The following SETD7 variants were observed in gnomAD, a reference collection of about 807,000 sequenced individuals.
The protein encoded by SETD7 is SET domain containing 7, histone lysine methyltransferase.
SETD7 carries 16 observed loss-of-function variants against 41.8 expected under a neutral mutation model. That is an observed-to-expected ratio of 0.38 (90% confidence interval 0.26 to 0.58). The LOEUF (loss-of-function observed/expected upper bound fraction) is 0.58, where lower values mean the gene tolerates loss of function less well. Among genes scored for constraint, SETD7 ranks in the 20% least tolerant of loss-of-function variants. The pLI is 0.64. For synonymous variants in SETD7, 163 were observed against 169.7 expected, an observed-to-expected ratio of 0.96 and a Z score of 0.31; for missense variants, 346 against 459.7, an observed-to-expected ratio of 0.75 and a Z score of 2.26.
chr4:139,493,317 G>A (rs1362320123), downstream of SETD7, among the ~76,000 whole-genome samples: 1 of 152,132 alleles, frequency 6.6e-6, no homozygotes, highest in African/African-American at 2.4e-5. Context: ...GAGGCAAACA[G>A]GCAGAGTAAT....
intron 1 of SETD7, among the ~76,000 whole-genome samples, chr4:139,548,917 T>C (rs560620488): frequency 6.6e-6 from 1 of 152,312 alleles, no homozygotes; most frequent in African/African-American, 2.4e-5. Flanking sequence ...GTACATGACA[T>C]AAATTCAATG....
chr4:139,555,409 G>C lies in SETD7; in HGVS notation c.40+689C>G, dbSNP rs562983367. On this transcript the variant is annotated intron_variant, in intron 1 of 7. Coordinates refer to ENST00000274031, the MANE Select transcript of SETD7 (RefSeq NM_030648.4). This position sits in a 1 kb window ranked among gnomAD's most constrained non-coding sequence, Gnocchi z 4.0. ...GGCTGCATCCCAGCCAAGCAGGAAG[G>C]GGGAGGGGGAGGCCTGACTGAGTTC... is the stretch of plus-strand genomic sequence containing the variant. 7.9e-5 allele frequency among the ~76,000 whole-genome samples: 12 copies of C among 152,036 alleles called. No homozygotes were observed. Among genetic ancestry groups the C allele is most frequent in the South Asian group, 4.1e-4 (2 of 4,826 alleles).
At chr4:139,493,871 T>G (rs1278938778), downstream of SETD7, among the ~76,000 whole-genome samples, 1 of 152,194 alleles carries the variant, frequency 6.6e-6, no homozygotes, top group Non-Finnish European at 1.5e-5. Context: ...CTGATTACTT[T>G]GTGAAAAGTG....
intron 6 of SETD7, 69 bp from the exon 7 acceptor site, chr4:139,518,111 A>G: frequency 1.4e-6 from 2 of 1,457,224 alleles, no homozygotes; most frequent in Non-Finnish European, 1.8e-6. Context: ...CATCAGAGAT[A>G]TTAACTCATT....
At chr4:139,553,751 T>C (rs1308668021) in intron 1 of SETD7, among the ~76,000 whole-genome samples, 1 of 152,216 alleles carries the variant, frequency 6.6e-6, no homozygotes, top group Non-Finnish European at 1.5e-5. Context: ...TAATAATAGC[T>C]ATGACAATGA....
intron 3 of SETD7, among the ~76,000 whole-genome samples, chr4:139,531,815 G>T (rs1203761700): frequency 1.3e-5 from 2 of 152,170 alleles, no homozygotes; most frequent in Non-Finnish European, 2.9e-5. Context: ...TTTCAGCTTG[G>T]TGTGGTGGCT....
chr4:139,533,193 C>T lies in SETD7; in HGVS notation c.344G>A (p.Arg115His), dbSNP rs750730311. Reference protein sequence around the residue: ...IFKGQYKDNIRHGVCWIYYPD... With the variant: ...IFKGQYKDNIHHGVCWIYYPD... ...GTAATATATCCAGCACACTCCATGA[C>T]GAATGTTATCTTTATACTGCCCCTT... Residue 115 changes from arginine to histidine, a missense_variant, in exon 3 of 8, where the codon CGT becomes CAT. Physicochemically the swap from Arg to His is conservative, Grantham distance 29 (BLOSUM62 0). This residue lies in a region of SETD7 where 266 missense variants were observed against 377.0 expected (regional missense o/e 0.71). Transcript: ENST00000274031. The T allele has an allele frequency of 2.1e-5, 34 of 1,614,012 alleles. No homozygotes were observed. Among genetic ancestry groups the T allele is most frequent in the African/African-American group, 8.0e-5 (6 of 74,906 alleles).
At chr4:139,536,946 C>A (rs758104748) in intron 2 of SETD7, among the ~76,000 whole-genome samples, 2 of 152,090 alleles carry the variant, frequency 1.3e-5, no homozygotes, top group Non-Finnish European at 2.9e-5. Context: ...GAGGTTGCAG[C>A]GAGCCGAGAT....
intron 4 of SETD7, among the ~76,000 whole-genome samples, chr4:139,524,843 G>C (rs993875513): frequency 2.0e-5 from 3 of 152,084 alleles, no homozygotes; most frequent in African/African-American, 7.2e-5. Flanking sequence ...TTTTGAGACA[G>C]TCTTGCTCTG....
intron 4 of SETD7, among the ~76,000 whole-genome samples, chr4:139,528,670 T>C (rs4863658): frequency 0.32 from 48,167 of 152,064 alleles, 8,091 homozygotes; most frequent in African/African-American, 0.42. Context: ...GGTATCTGCT[T>C]ATGCTCTGAC....
At position 139,555,737 on chromosome 4, in the gene SETD7, G is replaced by T. The variant is rs908070986; in HGVS notation, c.40+361C>A. Among the ~76,000 whole-genome samples, 4 of 152,236 alleles carry T rather than the reference G, an allele frequency of 2.6e-5. No individual in the cohort carries two copies. Among genetic ancestry groups the T allele is most frequent in the Admixed American group, 6.5e-5 (1 of 15,294 alleles). ...TCCGCGGAGTCCGCCGGCCTCAAGGGGCTGCCCTGCGGAGTGCACCCACCC... is the reference window on the plus strand; with the variant it reads ...TCCGCGGAGTCCGCCGGCCTCAAGGTGCTGCCCTGCGGAGTGCACCCACCC... On this transcript the variant is annotated intron_variant, in intron 1 of 7. Transcript: ENST00000274031. The surrounding 1 kb of genome is among the most constrained non-coding windows in gnomAD (Gnocchi z 4.0).
rs1023481006 is a variant in SETD7 at position 139,509,709 on chromosome 4, T to A, written c.*1954A>T. The A allele has an allele frequency of 1.0e-6, 1 of 985,404 alleles. No individual in the cohort carries two copies. Among genetic ancestry groups the A allele is most frequent in the Non-Finnish European group, 1.2e-6 (1 of 830,020 alleles). 61.0% of individuals were successfully genotyped at this position (985,404 alleles called of 1,614,324 possible). A position where few individuals can be genotyped will look rare whatever the true frequency, so the allele number is the denominator to read the frequency against. ...ATTAAAGCACCTATCAGAATGCAAGTCCAGAGGCCCTGGCCCATCCGTCAC... is the reference window on the plus strand; with the variant it reads ...ATTAAAGCACCTATCAGAATGCAAGACCAGAGGCCCTGGCCCATCCGTCAC... On this transcript the variant is annotated 3_prime_UTR_variant, in exon 8 of 8. Transcript: ENST00000274031.
chr4:139,501,567 C>G (rs1726577575), downstream of SETD7, among the ~76,000 whole-genome samples: 1 of 151,748 alleles, frequency 6.6e-6, no homozygotes. Flanking sequence ...ACCACTTGTA[C>G]CCCAAAAGCT....
rs899155362 is a variant in SETD7, at chr4:139,510,610, G to A, written c.*1053C>T. On this transcript the variant is annotated 3_prime_UTR_variant, in exon 8 of 8. Coordinates refer to ENST00000274031, the MANE Select transcript of SETD7 (RefSeq NM_030648.4). ...TTTGTACCTAGTAATCAGTGTGTCT[G>A]CCTTAGTAGTACTGACTAAAAAAAT... is the stretch of plus-strand genomic sequence containing the variant. The A allele has an allele frequency of 7.9e-5, 12 of 152,106 alleles. No individual in the cohort carries two copies. Among genetic ancestry groups the A allele is most frequent in the African/African-American group, 2.9e-4 (12 of 41,416 alleles). 9.4% of individuals were successfully genotyped at this position (152,106 alleles called of 1,614,324 possible). A position where few individuals can be genotyped will look rare whatever the true frequency, so the allele number is the denominator to read the frequency against.
chr4:139,495,036 A>C (rs1726428671), downstream of SETD7, among the ~76,000 whole-genome samples: 1 of 152,238 alleles, frequency 6.6e-6, no homozygotes. Flanking sequence ...GTAAGTATTT[A>C]AAATGGACAT....
rs748159845 is a variant in SETD7 at position 139,511,418 on chromosome 4, G to A, written c.*245C>T. ...GACTTGAACCACCAAAGAACATCAC[G>A]CTGTCTTATGTCAAATGCTCGACAA... On this transcript the variant is annotated 3_prime_UTR_variant, in exon 8 of 8. Transcript: ENST00000274031. 88 of 506,244 alleles carry A rather than the reference G, an allele frequency of 1.7e-4. No homozygotes were observed. Among genetic ancestry groups the A allele is most frequent in the African/African-American group, 1.4e-4 (7 of 50,176 alleles). The allele number at this position is 506,244 out of a possible 1,614,324, so 31.4% of individuals were successfully genotyped here. A position where few individuals can be genotyped will look rare whatever the true frequency, so the allele number is the denominator to read the frequency against.
chr4:139,550,598 A>C (rs1728084449), intron 1 of SETD7, among the ~76,000 whole-genome samples: 1 of 152,234 alleles, frequency 6.6e-6, no homozygotes, highest in Non-Finnish European at 1.5e-5. Context: ...AAGAGAAGAG[A>C]CTAGGTTGCA....
intron 2 of SETD7, among the ~76,000 whole-genome samples, chr4:139,541,108 C>T (rs1231771905): frequency 6.6e-6 from 1 of 152,124 alleles, no homozygotes; most frequent in Non-Finnish European, 1.5e-5. Flanking sequence ...CCTTTAAAAT[C>T]AAATTGGCAT....
chr4:139,538,049 T>A lies in SETD7; in HGVS notation c.171-4683A>T, dbSNP rs141142508. Among the ~76,000 whole-genome samples the A allele has an allele frequency of 3.5e-3, 535 of 152,068 alleles. 1 individual carries two copies. Among genetic ancestry groups the A allele is most frequent in the Non-Finnish European group, 6.6e-3 (447 of 67,972 alleles). On this transcript the variant is annotated intron_variant, in intron 2 of 7. Coordinates refer to ENST00000274031, the MANE Select transcript of SETD7 (RefSeq NM_030648.4). The stretch of plus-strand genomic sequence containing the variant: ...ACTAAAAAACTGGGTTTAAAAAGCA[T>A]CATCAAAAAAAAGCATCATCAAAGA...
Sources: allele counts gnomAD v4.1 joint callset (sites outside exome capture counted in the v4.1 genomes callset), GRCh38; gene constraint gnomAD v4.1.1; regional missense constraint gnomAD v4.1.1; non-coding constraint Gnocchi (gnomAD v3.1); transcripts MANE v1.5; gene names NCBI Gene and HGNC (gene_info 2026-07-23, HGNC 2026-07-21).